The following BCAR3 variants were observed in gnomAD, a reference collection of about 807,000 sequenced individuals.
The protein encoded by BCAR3 is BCAR3 adaptor protein, NSP family member, also known as breast cancer anti-estrogen resistance protein 3.
BCAR3 carries 37 observed loss-of-function variants against 80.1 expected under a neutral mutation model. That is an observed-to-expected ratio of 0.46 (90% CI 0.36 to 0.61). The LOEUF (loss-of-function observed/expected upper bound fraction) is 0.61. Ranked by LOEUF, BCAR3 falls within the 20% of genes least tolerant of loss-of-function variation. The pLI is 0.00. For missense variants in BCAR3, 978 were observed against 1,068.2 expected, an observed-to-expected ratio of 0.92 and a Z score of 1.18; for synonymous variants, 389 against 418.9, an observed-to-expected ratio of 0.93 and a Z score of 0.87.
intron 2 of BCAR3, among the ~76,000 whole-genome samples, chr1:93,801,259 T>C (rs766217866): frequency 1.6e-4 from 25 of 152,238 alleles, no homozygotes; most frequent in Non-Finnish European, 2.9e-4. Flanking sequence ...CAGTAAGTTG[T>C]TGAATCTGTA....
intron 2 of BCAR3, among the ~76,000 whole-genome samples, chr1:93,773,158 T>A (rs925073857): frequency 2.0e-5 from 3 of 152,156 alleles, no homozygotes; most frequent in African/African-American, 7.2e-5. Context: ...GGACCCTACG[T>A]CCCTTTCTCA....
At chr1:93,694,682 G>A (rs1649322880) in intron 3 of BCAR3, among the ~76,000 whole-genome samples, 1 of 152,164 alleles carries the variant, frequency 6.6e-6, no homozygotes, top group South Asian at 2.1e-4. Flanking sequence ...TCCTGTCCCA[G>A]AGGTCTGAAT....
chr1:93,842,249 T>A (rs940110397), intron 2 of BCAR3, among the ~76,000 whole-genome samples: 2 of 151,662 alleles, frequency 1.3e-5, no homozygotes, highest in Admixed American at 6.6e-5. Context: ...CCTCCCAGGT[T>A]CAAGCAGTCC....
intron 2 of BCAR3, among the ~76,000 whole-genome samples, chr1:93,809,415 C>T (rs900554868): frequency 6.7e-6 from 1 of 149,772 alleles, no homozygotes; most frequent in Non-Finnish European, 1.5e-5. Context: ...TGGGGGGAGT[C>T]GTGGGGCAGG....
chr1:93,636,945 A>C (rs1031940060), intron 3 of BCAR3, among the ~76,000 whole-genome samples: 3 of 152,046 alleles, frequency 2.0e-5, no homozygotes, highest in Non-Finnish European at 4.4e-5. Flanking sequence ...AAAAATAAAA[A>C]AAAATTAGGC....
chr1:93,562,496 G>C, intron 11 of BCAR3, 77 bp from the exon 12 acceptor site: 1 of 1,435,570 alleles, frequency 7.0e-7, no homozygotes, highest in South Asian at 1.3e-5. Context: ...AGCACCAGGC[G>C]CGGTGGCTCA....
intron 2 of BCAR3, among the ~76,000 whole-genome samples, chr1:93,833,113 T>G (rs1167138493): frequency 6.6e-6 from 1 of 151,868 alleles, no homozygotes; most frequent in African/African-American, 2.4e-5. Flanking sequence ...AGAGAAAGAG[T>G]ACAAAAGAAA....
At chr1:93,721,338 T>C (rs1418676147) in intron 2 of BCAR3, among the ~76,000 whole-genome samples, 1 of 152,138 alleles carries the variant, frequency 6.6e-6, no homozygotes, top group Non-Finnish European at 1.5e-5. Flanking sequence ...TTGCCCAGGT[T>C]GTCCCCTCTG....
At chr1:93,738,195 G>A (rs757815490) in intron 2 of BCAR3, among the ~76,000 whole-genome samples, 1 of 152,128 alleles carries the variant, frequency 6.6e-6, no homozygotes, top group Non-Finnish European at 1.5e-5. Context: ...CAATAGTAAG[G>A]TGGTGGAACC....
At chr1:93,730,990 G>A (rs1380345789) in intron 2 of BCAR3, among the ~76,000 whole-genome samples, 1 of 152,212 alleles carries the variant, frequency 6.6e-6, no homozygotes, top group Non-Finnish European at 1.5e-5. Context: ...GATGAGAAAG[G>A]TACTGCACCT....
chr1:93,633,503 C>G (rs1262780892), intron 3 of BCAR3, among the ~76,000 whole-genome samples: 1 of 152,186 alleles, frequency 6.6e-6, no homozygotes, highest in Non-Finnish European at 1.5e-5. Flanking sequence ...CCACTGCAGT[C>G]AAAAATCTTC....
chr1:93,813,636 C>T (rs1456665674), intron 2 of BCAR3, among the ~76,000 whole-genome samples: 1 of 152,156 alleles, frequency 6.6e-6, no homozygotes, highest in Non-Finnish European at 1.5e-5. Context: ...TATTTTAAAG[C>T]TAGTTGGAAA....
At chr1:93,718,140 T>G (rs373821373) in intron 2 of BCAR3, among the ~76,000 whole-genome samples, 39 of 152,312 alleles carry the variant, frequency 2.6e-4, no homozygotes, top group African/African-American at 6.5e-4. Flanking sequence ...TCCTGCATTC[T>G]TGTAGCAGAT....
chr1:93,583,762 G>C (rs1240272085), intron 6 of BCAR3, among the ~76,000 whole-genome samples: 1 of 152,172 alleles, frequency 6.6e-6, no homozygotes, highest in Non-Finnish European at 1.5e-5. Flanking sequence ...ACCTATCTGT[G>C]CCTCAGTTTC....
intron 2 of BCAR3, among the ~76,000 whole-genome samples, chr1:93,765,705 C>T (rs907462588): frequency 1.3e-5 from 2 of 150,634 alleles, no homozygotes; most frequent in Non-Finnish European, 2.9e-5. Context: ...GTCTTGCTGT[C>T]ACACAGGCTG....
At chr1:93,831,817 C>T (rs780893709) in intron 2 of BCAR3, among the ~76,000 whole-genome samples, 3 of 152,134 alleles carry the variant, frequency 2.0e-5, no homozygotes, top group African/African-American at 7.2e-5. Flanking sequence ...TGTTTCTTTC[C>T]GCAACTAGCC....
intron 2 of BCAR3, among the ~76,000 whole-genome samples, chr1:93,670,144 A>G (rs1462993357): frequency 6.6e-6 from 1 of 152,228 alleles, no homozygotes; most frequent in African/African-American, 2.4e-5. Flanking sequence ...AATCAAGGGG[A>G]TATCAGCTGA....
chr1:93,696,334 C>G (rs1649401220), intron 3 of BCAR3, among the ~76,000 whole-genome samples: 2 of 152,190 alleles, frequency 1.3e-5, no homozygotes, highest in Admixed American at 1.3e-4. Context: ...GCATCTCCAT[C>G]CAGCTATTGC....
intron 2 of BCAR3, among the ~76,000 whole-genome samples, chr1:93,788,072 C>G (rs971762632): frequency 3.3e-5 from 5 of 152,076 alleles, no homozygotes; most frequent in African/African-American, 7.2e-5. Flanking sequence ...TAATGTCCTT[C>G]TTTGTCTTTT....
Sources: gnomAD v4.1 joint callset for allele counts (sites outside exome capture counted in the v4.1 genomes callset) on GRCh38, gnomAD v4.1.1 for gene constraint, MANE v1.5 for transcripts, NCBI Gene and HGNC (gene_info 2026-07-23, HGNC 2026-07-21) for gene names.